The following SFMBT2 variants were observed in gnomAD, a reference collection of about 807,000 sequenced individuals.
The protein encoded by SFMBT2 is scm-like with four MBT domains protein 2.
Under a neutral mutation model 110.1 loss-of-function variants are expected in SFMBT2, and 38 were observed. That is an observed-to-expected ratio of 0.35 (90% CI 0.27 to 0.45). SFMBT2 has a LOEUF of 0.45. Among genes scored for constraint, SFMBT2 ranks in the 20% least tolerant of loss-of-function variants. SFMBT2 has a pLI of 1.00. For synonymous variants in SFMBT2, 425 were observed against 425.4 expected, an observed-to-expected ratio of 1.00 and a Z score of 0.01; for missense variants, 1,011 against 1,094.9, an observed-to-expected ratio of 0.92 and a Z score of 1.08.
intron 15 of SFMBT2, 61 bp downstream of exon 15, chr10:7,197,487 G>A (rs1838813815): frequency 1.9e-6 from 3 of 1,582,046 alleles, no homozygotes; most frequent in African/African-American, 1.3e-5. Context: ...CAGAAACTGA[G>A]CCCACAGCTT....
At chr10:7,314,893 GTGAGAAAGAGAGAA>G (rs1160746496) in intron 4 of SFMBT2, among the ~76,000 whole-genome samples, 2 of 151,014 alleles carry the variant, frequency 1.3e-5, no homozygotes, top group Non-Finnish European at 2.9e-5. Context: ...GGGCAACAGA[GTGAGAAAGAGAGAA>G]AGAGAAAGAG....
At chr10:7,266,058 G>A (rs1186364490) in intron 7 of SFMBT2, among the ~76,000 whole-genome samples, 1 of 152,042 alleles carries the variant, frequency 6.6e-6, no homozygotes, top group Admixed American at 6.6e-5. Context: ...GTGCGCAGAA[G>A]GGGAGATAGT....
intron 4 of SFMBT2, among the ~76,000 whole-genome samples, chr10:7,366,834 T>A (rs1844921364): frequency 6.6e-6 from 1 of 152,192 alleles, no homozygotes; most frequent in African/African-American, 2.4e-5. Context: ...GGCTGTCCTG[T>A]GCATTGCGGG....
chr10:7,244,041 C>T (rs1840526623), intron 8 of SFMBT2: 2 of 887,634 alleles, frequency 2.3e-6, no homozygotes, highest in South Asian at 1.0e-4. Context: ...GCTTAGATGA[C>T]AGCCAAGACA....
At chr10:7,211,459 T>G (rs1839346086) in intron 11 of SFMBT2, among the ~76,000 whole-genome samples, 1 of 152,182 alleles carries the variant, frequency 6.6e-6, no homozygotes, top group South Asian at 2.1e-4. Flanking sequence ...TTCCCCGGCC[T>G]CTGGTCAACA....
At chr10:7,214,522 T>TC (rs1232983078) in intron 11 of SFMBT2, 2 of 969,216 alleles carry the variant, frequency 2.1e-6, no homozygotes, top group African/African-American at 1.8e-5. Context: ...TCCTGAGCTA[T>TC]CACTGCTTCT....
intron 11 of SFMBT2, 102 bp downstream of exon 11, chr10:7,220,309 G>C (rs1178605148): frequency 1.2e-6 from 1 of 840,006 alleles, no homozygotes; most frequent in Non-Finnish European, 1.9e-6. Context: ...AAATGAAAGA[G>C]AAGTAAGGCC....
At chr10:7,391,866 C>T (rs1845775827) in intron 1 of SFMBT2, among the ~76,000 whole-genome samples, 1 of 152,006 alleles carries the variant, frequency 6.6e-6, no homozygotes, top group South Asian at 2.1e-4. Context: ...GAATTTCTCG[C>T]GTCATTAAGA....
intron 8 of SFMBT2, chr10:7,244,052 G>T: frequency 1.1e-6 from 1 of 904,622 alleles, no homozygotes; most frequent in Non-Finnish European, 1.3e-6. Context: ...AGCCAAGACA[G>T]GAACTGAAAA....
At chr10:7,336,416 G>C (rs151233404) in intron 4 of SFMBT2, among the ~76,000 whole-genome samples, 14 of 152,284 alleles carry the variant, frequency 9.2e-5, no homozygotes, top group African/African-American at 3.4e-4. Flanking sequence ...TTTGGAGAAT[G>C]TTTTATTTAT....
At position 7,384,558 on chromosome 10, in the gene SFMBT2, G is replaced by A. The variant is rs118085245; in HGVS notation, c.-51-2609C>T. Among the ~76,000 whole-genome samples the A allele has an allele frequency of 3.3e-5, 5 of 152,248 alleles. No individual in the cohort carries two copies. The East Asian group carries it at 9.6e-4, about 29-fold the overall frequency. The stretch of plus-strand genomic sequence containing the variant: ...AAAATGAAGTTATCTTATATCCCCA[G>A]TGAATCATCTGCAATGTAATGAGCT... On this transcript the variant is annotated intron_variant, in intron 1 of 20. Coordinates refer to ENST00000397167, the MANE Select transcript of SFMBT2 (RefSeq NM_001387889.1).
At chr10:7,266,092 C>CT (rs947560753) in intron 7 of SFMBT2, among the ~76,000 whole-genome samples, 51 of 146,738 alleles carry the variant, frequency 3.5e-4, no homozygotes, top group Admixed American at 4.8e-4. Context: ...GTTTTCTTTC[C>CT]TTTTTTTTTT....
chr10:7,244,153 G>A (rs1316733032), intron 8 of SFMBT2: 3 of 280,284 alleles, frequency 1.1e-5, no homozygotes, highest in African/African-American at 2.3e-5. Flanking sequence ...GAGCTTTCTA[G>A]CCTCCTCCTG....
chr10:7,276,838 A>T lies in SFMBT2; in HGVS notation c.870+54T>A, dbSNP rs564745639. On this transcript the variant is annotated intron_variant, in intron 7 of 20. Coordinates refer to ENST00000397167, the MANE Select transcript of SFMBT2 (RefSeq NM_001387889.1). Reference sequence around the variant, plus strand: ...ACTGCGCCCGGCCGGAAAACTTTGTAGATGATTTTATTCTCAAAAAGGGTA... The same window carrying T: ...ACTGCGCCCGGCCGGAAAACTTTGTTGATGATTTTATTCTCAAAAAGGGTA... 2.8e-5 allele frequency: 23 copies of T among 829,950 alleles called. 1 individual carries two copies. The South Asian group carries it at 2.9e-4, about 11-fold the overall frequency. 51.4% of individuals were successfully genotyped at this position (829,950 alleles called of 1,614,324 possible).
chr10:7,234,944 T>C (rs1259827022), intron 9 of SFMBT2, among the ~76,000 whole-genome samples: 2 of 151,994 alleles, frequency 1.3e-5, no homozygotes, highest in Non-Finnish European at 2.9e-5. Context: ...GCCCAGTCTA[T>C]GAAAATAGAA....
chr10:7,315,375 G>A (rs1426206371), intron 4 of SFMBT2, among the ~76,000 whole-genome samples: 1 of 152,218 alleles, frequency 6.6e-6, no homozygotes, highest in Non-Finnish European at 1.5e-5. Flanking sequence ...CCAAGTGAGG[G>A]AGAATCCCTC....
At position 7,374,785 on chromosome 10, in the gene SFMBT2, G is replaced by A. The variant is rs530554405; in HGVS notation, c.101-4410C>T. On this transcript the variant is annotated intron_variant, in intron 2 of 20. Transcript: ENST00000397167. ...CCAGCACTGATGACTTGAACTGTGC[G>A]TTATAACAAAGTCAAGCACAAAATT... Among the ~76,000 whole-genome samples, 17 of 152,298 alleles carry A rather than the reference G, an allele frequency of 1.1e-4. No individual in the cohort carries two copies. In the East Asian group the frequency reaches 1.2e-3, roughly 10 times the overall value.
At chr10:7,277,134 C>A (rs1221048891) in intron 6 of SFMBT2, 145 bp from the exon 7 acceptor site, 15 of 588,182 alleles carry the variant, frequency 2.6e-5, no homozygotes, top group Non-Finnish European at 4.5e-5. Flanking sequence ...CCACCATGAG[C>A]AGCCACCTGC....
intron 4 of SFMBT2, among the ~76,000 whole-genome samples, chr10:7,361,753 C>G (rs982153614): frequency 1.2e-4 from 18 of 152,160 alleles, no homozygotes; most frequent in African/African-American, 4.3e-4. Context: ...AATTCCAACA[C>G]TTTTATGGCA....
Sources: gnomAD v4.1 joint callset for allele counts (sites outside exome capture counted in the v4.1 genomes callset) on GRCh38, gnomAD v4.1.1 for gene constraint, MANE v1.5 for transcripts, NCBI Gene and HGNC (gene_info 2026-07-23, HGNC 2026-07-21) for gene names.